Variants in ALDH7A1 observed in about 807,000 individuals in gnomAD.
ALDH7A1 encodes the protein alpha-aminoadipic semialdehyde dehydrogenase.
Under a neutral mutation model 79.9 loss-of-function variants are expected in ALDH7A1, and 63 were observed. The ratio of observed to expected loss-of-function variants is 0.79; its 90% CI spans 0.64 to 0.97. The LOEUF (loss-of-function observed/expected upper bound fraction) is 0.97, where lower values mean the gene tolerates loss of function less well. Ranked by LOEUF, ALDH7A1 falls within the 50% of genes least tolerant of loss-of-function variation. The pLI, the probability that ALDH7A1 is intolerant of heterozygous loss-of-function variation, is 0.00. For synonymous variants in ALDH7A1, 240 were observed against 231.2 expected (o/e 1.04, Z -0.34); for missense variants, 627 against 665.2 (o/e 0.94, Z 0.63).
At chr5:126,577,980 A>T (rs75495993) in intron 5 of ALDH7A1, among the ~76,000 whole-genome samples, 204 of 149,262 alleles carry the variant, frequency 1.4e-3, no homozygotes, top group African/African-American at 4.7e-3. Flanking sequence ...AATTATATAT[A>T]TGTTGAATAA....
At chr5:126,554,222 C>T (rs1750098957) in intron 13 of ALDH7A1, 65 bp downstream of exon 13, 20 of 1,414,780 alleles carry the variant, frequency 1.4e-5, no homozygotes, top group Middle Eastern at 2.4e-4. Flanking sequence ...GCCCAGAGCC[C>T]TGCTTGTGTC....
intron 3 of ALDH7A1, among the ~76,000 whole-genome samples, chr5:126,589,518 C>T (rs780415741): frequency 4.6e-5 from 7 of 151,890 alleles, no homozygotes; most frequent in Non-Finnish European, 5.9e-5. Context: ...AAGTGGCTAA[C>T]GCCTGTAATC....
chr5:126,549,602 A>C (rs1749919656), intron 16 of ALDH7A1: 1 of 283,258 alleles, frequency 3.5e-6, no homozygotes, highest in Non-Finnish European at 6.7e-6. Context: ...ATTTCATATA[A>C]AATTTTCTGG....
At chr5:126,566,955 T>A (rs1443202994) in intron 9 of ALDH7A1, among the ~76,000 whole-genome samples, 1 of 152,214 alleles carries the variant, frequency 6.6e-6, no homozygotes, top group Non-Finnish European at 1.5e-5. Context: ...TTCCTCCCCA[T>A]CTAATTAAAA....
chr5:126,558,603 T>C (rs1750288082), intron 11 of ALDH7A1, among the ~76,000 whole-genome samples: 1 of 152,152 alleles, frequency 6.6e-6, no homozygotes, highest in Non-Finnish European at 1.5e-5. Flanking sequence ...TGCAGCCTCA[T>C]TGAGCCCTTT....
intron 9 of ALDH7A1, chr5:126,567,908 C>G (rs913896256): frequency 3.5e-4 from 110 of 314,366 alleles, no homozygotes; most frequent in African/African-American, 2.2e-3. Flanking sequence ...CTCAGCCTCC[C>G]GAGTAGCTGG....
intron 13 of ALDH7A1, 134 bp downstream of exon 13, chr5:126,554,153 A>AAT: frequency 1.5e-6 from 1 of 666,784 alleles, no homozygotes; most frequent in South Asian, 1.8e-5. Context: ...GTTTTATAAT[A>AAT]ATATATATAA....
At position 126,573,030 on chromosome 5, in the gene ALDH7A1, G is replaced by A. The variant is rs1750828840; in HGVS notation, c.696-2171C>T. On this transcript the variant is annotated intron_variant, in intron 7 of 17. Coordinates refer to ENST00000409134, the MANE Select transcript of ALDH7A1 (RefSeq NM_001182.5). Reference sequence around the variant, plus strand: ...ATTTTACTTATCTTCTATTACAAAAGCAAATAACATTTTCAGTGCTTTGAA... The same window carrying A: ...ATTTTACTTATCTTCTATTACAAAAACAAATAACATTTTCAGTGCTTTGAA... Among the ~76,000 whole-genome samples the A allele has an allele frequency of 2.1e-5, 3 of 140,962 alleles. No homozygotes were observed. In the South Asian group the frequency reaches 6.8e-4, roughly 32 times the overall value. The allele number at this position is 140,962 out of a possible 152,430, so 92.5% of individuals were successfully genotyped here. A position where few individuals can be genotyped will look rare whatever the true frequency, so the allele number is the denominator to read the frequency against.
chr5:126,583,047 G>T, intron 4 of ALDH7A1, 73 bp from the exon 5 acceptor site: 1 of 1,564,646 alleles, frequency 6.4e-7, no homozygotes, highest in East Asian at 2.2e-5. Context: ...AAAGAAAGGG[G>T]GAAGCAAAAC....
chr5:126,567,778 T>C, intron 9 of ALDH7A1: 1 of 143,630 alleles, frequency 7.0e-6, no homozygotes, highest in Non-Finnish European at 1.3e-5. Context: ...GGCTTGAATT[T>C]TTTTTTTTCT....
chr5:126,575,158 G>GC (rs1750923128), intron 7 of ALDH7A1, among the ~76,000 whole-genome samples: 2 of 152,176 alleles, frequency 1.3e-5, no homozygotes, highest in African/African-American at 4.8e-5. Context: ...CACTGAAGAT[G>GC]CTTTTATTTT....
In ALDH7A1 at chr5:126,572,556, G is replaced by A. The variant is rs141521352; in HGVS notation, c.696-1697C>T. 3.5e-3 allele frequency among the ~76,000 whole-genome samples: 535 copies of A among 152,264 alleles called. 5 individuals are homozygous for A. Among genetic ancestry groups the A allele is most frequent in the African/African-American group, 0.011 (466 of 41,550 alleles). On this transcript the variant is annotated intron_variant, in intron 7 of 17. Coordinates refer to ENST00000409134, the MANE Select transcript of ALDH7A1 (RefSeq NM_001182.5). The stretch of plus-strand genomic sequence containing the variant: ...GTCATCAATGTTTCTTAGACAACCC[G>A]GCTTATGGTAAAAATGATCCCTGCC...
At position 126,571,150 on chromosome 5, in the gene ALDH7A1, A is replaced by ATTTTTTTTTTT. The variant is rs386404930; in HGVS notation, c.696-302_696-292dup. ...GCCGTTTTCAAAAAACTATTAGCAG[A>ATTTTTTTTTTT]TTTTTTTTTTTTTTTTTTTTTTTTT... On this transcript the variant is annotated intron_variant, in intron 7 of 17. Transcript: ENST00000409134. 92 of 221,902 alleles carry ATTTTTTTTTTT rather than the reference A, an allele frequency of 4.1e-4. 2 individuals are homozygous for ATTTTTTTTTTT. Among genetic ancestry groups the ATTTTTTTTTTT allele is most frequent in the African/African-American group, 2.1e-3 (77 of 37,130 alleles). The allele number at this position is 221,902 out of a possible 1,614,324, so 13.7% of individuals were successfully genotyped here. A position where few individuals can be genotyped will look rare whatever the true frequency, so the allele number is the denominator to read the frequency against.
chr5:126,545,135 C>T, intron 17 of ALDH7A1, 116 bp from the exon 18 acceptor site: 1 of 782,234 alleles, frequency 1.3e-6, no homozygotes, highest in South Asian at 1.6e-5. Flanking sequence ...CTCCAAGTTA[C>T]AACTTTTTAA....
At chr5:126,578,744 G>T (rs1751852249) in intron 5 of ALDH7A1, among the ~76,000 whole-genome samples, 2 of 152,188 alleles carry the variant, frequency 1.3e-5, no homozygotes, top group South Asian at 4.2e-4. Context: ...CCTACAAGGT[G>T]TTTATTTTAA....
chr5:126,583,037 A>G, intron 4 of ALDH7A1, 63 bp from the exon 5 acceptor site: 1 of 1,591,346 alleles, frequency 6.3e-7, no homozygotes, highest in Non-Finnish European at 8.6e-7. Context: ...ACATTAAATT[A>G]AAGAAAGGGG....
chr5:126,594,305 A>G (rs1751662513), intron 1 of ALDH7A1: 1 of 470,180 alleles, frequency 2.1e-6, no homozygotes, highest in Non-Finnish European at 4.4e-6. Flanking sequence ...ACTTAAAACT[A>G]CACTGAAGAA....
intron 16 of ALDH7A1, among the ~76,000 whole-genome samples, chr5:126,546,681 C>T (rs534028592): frequency 1.3e-3 from 199 of 151,126 alleles, no homozygotes; most frequent in African/African-American, 4.4e-3. Context: ...ATTAGCTGGG[C>T]GTGGTGGTGC....
At chr5:126,562,610 G>A (rs917899664) in intron 9 of ALDH7A1, among the ~76,000 whole-genome samples, 13 of 152,232 alleles carry the variant, frequency 8.5e-5, no homozygotes, top group African/African-American at 2.9e-4. Flanking sequence ...AGCACTTTAG[G>A]AGGCCGAGGT....
Sources: allele counts gnomAD v4.1 joint callset (sites outside exome capture counted in the v4.1 genomes callset), GRCh38; gene constraint gnomAD v4.1.1; transcripts MANE v1.5; gene names NCBI Gene and HGNC (gene_info 2026-07-23, HGNC 2026-07-21).